Variants in GABRA1 observed in about 807,000 individuals in gnomAD.
GABRA1 encodes the protein gamma-aminobutyric acid receptor subunit alpha-1.
A neutral mutation model predicts 48.9 loss-of-function variants in GABRA1; 9 were observed. The observed-to-expected ratio is 0.18, with a 90% CI of 0.11 to 0.32. GABRA1 has a LOEUF of 0.32. Among genes scored for constraint, GABRA1 ranks in the 10% least tolerant of loss-of-function variants. The pLI is 1.00. For missense variants in GABRA1, 285 were observed against 553.8 expected (o/e 0.51, Z 4.87); for synonymous variants, 210 against 198.7 (o/e 1.06, Z -0.48).
intron 2 of GABRA1, chr5:161,853,787 G>A (rs1329041791): frequency 6.2e-6 from 1 of 162,506 alleles, no homozygotes; most frequent in Non-Finnish European, 1.3e-5. Flanking sequence ...AGTTGTTTTG[G>A]TAACTCTTTT....
At chr5:161,853,023 T>C (rs1253836909) in intron 2 of GABRA1, among the ~76,000 whole-genome samples, 1 of 151,900 alleles carries the variant, frequency 6.6e-6, no homozygotes, top group East Asian at 1.9e-4. Context: ...ACAAAAGTGA[T>C]ATATTTGTGG....
rs540530831 is a variant in GABRA1, at chr5:161,894,369, T to C, written c.857-1297T>C. On this transcript the variant is annotated intron_variant, in intron 8 of 9. Coordinates refer to ENST00000393943, the MANE Select transcript of GABRA1 (RefSeq NM_001127644.2). ...GCTCAAGTTAATACTGACATGTAAATTCAGGAGCCTGAATTTACAAGTCAT... is the reference window on the plus strand; with the variant it reads ...GCTCAAGTTAATACTGACATGTAAACTCAGGAGCCTGAATTTACAAGTCAT... Among the ~76,000 whole-genome samples, 6 of 152,292 alleles carry C rather than the reference T, an allele frequency of 3.9e-5. No individual in the cohort carries two copies. The East Asian group carries it at 9.7e-4, about 25-fold the overall frequency.
At chr5:161,879,655 A>G (rs1754526071) in intron 6 of GABRA1, among the ~76,000 whole-genome samples, 1 of 152,128 alleles carries the variant, frequency 6.6e-6, no homozygotes, top group Admixed American at 6.6e-5. Flanking sequence ...TAAAATACTA[A>G]CTTGCATCAG....
chr5:161,865,916 G>GTGTAATA (rs1377866564), intron 4 of GABRA1, 128 bp downstream of exon 4: 5 of 720,078 alleles, frequency 6.9e-6, no homozygotes, highest in Non-Finnish European at 9.9e-6. Flanking sequence ...GTCTTTCTGT[G>GTGTAATA]TGTAATATGT....
intron 3 of GABRA1, among the ~76,000 whole-genome samples, chr5:161,864,946 T>G (rs1757996724): frequency 6.6e-6 from 1 of 152,060 alleles, no homozygotes; most frequent in Admixed American, 6.6e-5. Context: ...TTTTCACCCC[T>G]CAACAAATTG....
At chr5:161,866,611 A>G (rs1019882264) in intron 4 of GABRA1, among the ~76,000 whole-genome samples, 41 of 152,286 alleles carry the variant, frequency 2.7e-4, no homozygotes, top group Admixed American at 8.5e-4. Flanking sequence ...GAGGGTCAGA[A>G]TAAAACTTAC....
chr5:161,869,110 G>A (rs1297611145), intron 4 of GABRA1, among the ~76,000 whole-genome samples: 1 of 152,130 alleles, frequency 6.6e-6, no homozygotes, highest in Non-Finnish European at 1.5e-5. Flanking sequence ...TTGTGTACAA[G>A]AAGAAGCAGC....
intron 6 of GABRA1, among the ~76,000 whole-genome samples, chr5:161,881,577 C>T (rs923216676): frequency 2.0e-5 from 3 of 152,084 alleles, no homozygotes; most frequent in African/African-American, 4.8e-5. Flanking sequence ...GGAGAGTAAA[C>T]TCAGACTTGC....
chr5:161,893,097 A>G (rs1755194520), intron 8 of GABRA1, among the ~76,000 whole-genome samples: 1 of 151,134 alleles, frequency 6.6e-6, no homozygotes, highest in South Asian at 2.1e-4. Flanking sequence ...TTGTAGTATG[A>G]GTACAACACT....
chr5:161,853,087 A>T (rs538261149), intron 2 of GABRA1, among the ~76,000 whole-genome samples: 6 of 151,868 alleles, frequency 4.0e-5, no homozygotes, highest in Non-Finnish European at 7.4e-5. Context: ...CAAGGTCAGA[A>T]CTATGATTGA....
intron 8 of GABRA1, among the ~76,000 whole-genome samples, chr5:161,894,668 AT>A (rs1455877297): frequency 6.6e-6 from 1 of 151,922 alleles, no homozygotes; most frequent in Admixed American, 6.6e-5. Flanking sequence ...TTTTTTTAAC[AT>A]TTTTATATGG....
intron 7 of GABRA1, among the ~76,000 whole-genome samples, chr5:161,888,550 T>A (rs924184030): frequency 2.0e-5 from 3 of 152,078 alleles, no homozygotes; most frequent in Non-Finnish European, 2.9e-5. Flanking sequence ...ATGGAATGTA[T>A]ACAGACACTC....
At chr5:161,880,990 GA>G (rs1349465155) in intron 6 of GABRA1, among the ~76,000 whole-genome samples, 2 of 152,126 alleles carry the variant, frequency 1.3e-5, no homozygotes, top group African/African-American at 4.8e-5. Context: ...CCTCCAAGAA[GA>G]AAATTAAAAT....
intron 3 of GABRA1, among the ~76,000 whole-genome samples, chr5:161,865,145 G>A (rs1448002082): frequency 6.6e-6 from 1 of 152,026 alleles, no homozygotes; most frequent in Admixed American, 6.6e-5. Flanking sequence ...CTTTTTCTGT[G>A]CCATAATATG....
At chr5:161,861,958 C>A (rs1757876070) in intron 3 of GABRA1, among the ~76,000 whole-genome samples, 1 of 151,838 alleles carries the variant, frequency 6.6e-6, no homozygotes, top group African/African-American at 2.4e-5. Context: ...AGTTATGAAC[C>A]CATGGAACTG....
In GABRA1 at chr5:161,850,551, A is replaced by C. The variant is rs11576002; in HGVS notation, c.-15-245A>C. ...TATGTTGAGCAATACTGTCACCTGAAAGCGTTTCAGCTTGTATTCTTTTAC... is the reference window on the plus strand; with the variant it reads ...TATGTTGAGCAATACTGTCACCTGACAGCGTTTCAGCTTGTATTCTTTTAC... On this transcript the variant is annotated intron_variant, in intron 1 of 9. Coordinates refer to ENST00000393943, the MANE Select transcript of GABRA1 (RefSeq NM_001127644.2). 650 of 583,078 alleles carry C rather than the reference A, an allele frequency of 1.1e-3. 7 individuals carry two copies. In the East Asian group the frequency reaches 0.016, roughly 15 times the overall value. The allele number at this position is 583,078 out of a possible 1,614,324, so 36.1% of individuals were successfully genotyped here. A position where few individuals can be genotyped will look rare whatever the true frequency, so the allele number is the denominator to read the frequency against.
chr5:161,882,765 A>C, intron 7 of GABRA1, 64 bp downstream of exon 7: 18 of 1,473,192 alleles, frequency 1.2e-5, no homozygotes, highest in Non-Finnish European at 1.7e-5. Flanking sequence ...GTGAGAACTC[A>C]ATGAATCATT....
At chr5:161,896,979 A>T (rs1581221372) in intron 9 of GABRA1, 132 bp from the exon 10 acceptor site, 1 of 770,448 alleles carries the variant, frequency 1.3e-6, no homozygotes, top group East Asian at 2.5e-5. Flanking sequence ...TAAGACAGGC[A>T]TAAATTATGT....
chr5:161,885,506 G>A (rs1025581489), intron 7 of GABRA1, among the ~76,000 whole-genome samples: 2 of 152,088 alleles, frequency 1.3e-5, no homozygotes, highest in African/African-American at 4.8e-5. Context: ...AGTTTAGAAA[G>A]TGCTACTTAC....
Sources: gnomAD v4.1 joint callset for allele counts (sites outside exome capture counted in the v4.1 genomes callset) on GRCh38, gnomAD v4.1.1 for gene constraint, MANE v1.5 for transcripts, NCBI Gene and HGNC (gene_info 2026-07-23, HGNC 2026-07-21) for gene names.